Variants in UQCC1 observed in about 807,000 individuals in gnomAD.
UQCC1 encodes the protein bFGF-repressed Zic-binding protein.
A neutral mutation model predicts 48.0 loss-of-function variants in UQCC1; 38 were observed. The ratio of observed to expected loss-of-function variants is 0.79; its 90% CI spans 0.61 to 1.04. The LOEUF is 1.04. UQCC1 is among the 50% of genes least tolerant of loss of function. The pLI is 0.00. For synonymous variants in UQCC1, 111 were observed against 129.2 expected (o/e 0.86, Z 0.95); for missense variants, 368 against 381.8 (o/e 0.96, Z 0.30).
chr20:35,382,551 C>T (rs1443407523), intron 3 of UQCC1, among the ~76,000 whole-genome samples: 2 of 118,380 alleles, frequency 1.7e-5, no homozygotes, highest in African/African-American at 3.3e-5. Context: ...CTTGCTCTGT[C>T]GCCCAGGCTG....
chr20:35,384,726 T>C (rs1281138768), intron 2 of UQCC1: 6 of 424,456 alleles, frequency 1.4e-5, no homozygotes, highest in South Asian at 8.6e-5. Flanking sequence ...CCCAGCACTT[T>C]GGGAGGCCGA....
chr20:35,306,073 G>C (rs2060925239), intron 9 of UQCC1, among the ~76,000 whole-genome samples: 1 of 152,152 alleles, frequency 6.6e-6, no homozygotes, highest in Non-Finnish European at 1.5e-5. Context: ...CCCGGGGCTT[G>C]AGGACAGCTA....
chr20:35,408,700 A>G (rs550658222), intron 1 of UQCC1, among the ~76,000 whole-genome samples: 1 of 151,746 alleles, frequency 6.6e-6, no homozygotes, highest in East Asian at 2.0e-4. Context: ...AAAAAGAAAA[A>G]AAAAAGTAGC....
At chr20:35,371,486 C>T (rs2061729773) in intron 5 of UQCC1, among the ~76,000 whole-genome samples, 1 of 151,608 alleles carries the variant, frequency 6.6e-6, no homozygotes. Flanking sequence ...TAGAGGCACC[C>T]ACCACCATGC....
At chr20:35,312,007 T>C (rs2061000280) in intron 8 of UQCC1, among the ~76,000 whole-genome samples, 1 of 152,162 alleles carries the variant, frequency 6.6e-6, no homozygotes, top group Non-Finnish European at 1.5e-5. Flanking sequence ...TCTGCCAGAA[T>C]GGACTGGATG....
chr20:35,395,878 A>C (rs1217955242), intron 1 of UQCC1, among the ~76,000 whole-genome samples: 2 of 151,952 alleles, frequency 1.3e-5, no homozygotes, highest in Non-Finnish European at 2.9e-5. Flanking sequence ...GTAATAGGTG[A>C]CTCAAGCAGT....
At chr20:35,390,020 A>G (rs1332764585) in intron 2 of UQCC1, among the ~76,000 whole-genome samples, 1 of 152,246 alleles carries the variant, frequency 6.6e-6, no homozygotes, top group African/African-American at 2.4e-5. Flanking sequence ...CATGTGCTAC[A>G]ACATAGATGA....
intron 1 of UQCC1, among the ~76,000 whole-genome samples, chr20:35,398,457 G>A (rs2062113091): frequency 6.6e-6 from 1 of 152,130 alleles, no homozygotes; most frequent in Non-Finnish European, 1.5e-5. Context: ...AGGTGGGGTG[G>A]AGAAAGGCAT....
At chr20:35,382,658 C>T (rs889315263) in intron 3 of UQCC1, among the ~76,000 whole-genome samples, 4 of 151,274 alleles carry the variant, frequency 2.6e-5, no homozygotes, top group African/African-American at 9.7e-5. Context: ...GACAGGCACC[C>T]ACCACCACGC....
In UQCC1 at chr20:35,311,121, C is replaced by A. The variant is rs555853470; in HGVS notation, c.651+3567G>T. Among the ~76,000 whole-genome samples the A allele has an allele frequency of 3.9e-5, 6 of 152,228 alleles. No individual in the cohort carries two copies. In the South Asian group the frequency reaches 1.2e-3, roughly 32 times the overall value. On this transcript the variant is annotated intron_variant, in intron 8 of 9. Transcript: ENST00000374385. ...CAAGACTCAGCTACTGCCCTCAACC[C>A]CTCATTGTTAGGTAGAGTCTCAGTC...
chr20:35,338,876 A>ATATATAT (rs1417579425), intron 7 of UQCC1, among the ~76,000 whole-genome samples: 1 of 58,514 alleles, frequency 1.7e-5, no homozygotes, highest in Non-Finnish European at 2.8e-5. Context: ...AAAAAAAAAA[A>ATATATAT]AAAAAAAAAA....
chr20:35,371,699 G>GAAAAAAAAA (rs57335287), intron 5 of UQCC1, among the ~76,000 whole-genome samples: 17 of 92,204 alleles, frequency 1.8e-4, no homozygotes, highest in Non-Finnish European at 1.9e-4. Flanking sequence ...GGCACTTAAA[G>GAAAAAAAAA]AAAAAAAAAA....
intron 7 of UQCC1, among the ~76,000 whole-genome samples, chr20:35,338,909 GGAGA>G (rs71333785): frequency 0.037 from 1,229 of 33,332 alleles, 303 homozygotes; most frequent in African/African-American, 0.21. Flanking sequence ...ATATATATAT[GGAGA>G]GATTTTTCAA....
intron 1 of UQCC1, among the ~76,000 whole-genome samples, chr20:35,396,043 G>A (rs984633918): frequency 6.8e-6 from 1 of 147,772 alleles, no homozygotes; most frequent in South Asian, 2.1e-4. Context: ...GGAATGCAGG[G>A]CCATGATCCC....
intron 9 of UQCC1, among the ~76,000 whole-genome samples, chr20:35,304,364 ACGTCT>A: frequency 6.6e-6 from 1 of 152,174 alleles, no homozygotes; most frequent in East Asian, 1.9e-4. Context: ...TCCCAAGGAC[ACGTCT>A]CCCCTACACG....
At chr20:35,396,735 G>A (rs1425151797) in intron 1 of UQCC1, among the ~76,000 whole-genome samples, 2 of 152,162 alleles carry the variant, frequency 1.3e-5, no homozygotes, top group Non-Finnish European at 2.9e-5. Flanking sequence ...TGAGAGGCTA[G>A]GCTGGAGAAA....
At chr20:35,317,848 C>T (rs1463915125) in intron 7 of UQCC1, among the ~76,000 whole-genome samples, 1 of 152,206 alleles carries the variant, frequency 6.6e-6, no homozygotes, top group Non-Finnish European at 1.5e-5. Context: ...TTTCTTTCCC[C>T]CTGTTGAATA....
intron 7 of UQCC1, among the ~76,000 whole-genome samples, chr20:35,342,133 CAGA>C (rs1248765694): frequency 1.3e-5 from 2 of 152,152 alleles, no homozygotes; most frequent in Non-Finnish European, 2.9e-5. Flanking sequence ...CATGAGGTGA[CAGA>C]AGGTGCATTC....
chr20:35,338,882 A>ATATATCTATATAT (rs1568666102), intron 7 of UQCC1, among the ~76,000 whole-genome samples: 1 of 60,182 alleles, frequency 1.7e-5, no homozygotes, highest in African/African-American at 2.1e-4. Flanking sequence ...AAAAAAAAAA[A>ATATATCTATATAT]AAAAAAAAAA....
Sources: allele counts gnomAD v4.1 joint callset (sites outside exome capture counted in the v4.1 genomes callset), GRCh38; gene constraint gnomAD v4.1.1; transcripts MANE v1.5; gene names NCBI Gene and HGNC (gene_info 2026-07-23, HGNC 2026-07-21).